SNTB1: variants seen among roughly 807,000 people sequenced by gnomAD.
SNTB1 encodes the protein syntrophin beta 1.
In SNTB1, 36 loss-of-function variants were observed where a neutral mutation model predicts 48.9. The observed-to-expected ratio is 0.74, with a 90% CI of 0.56 to 0.97. The LOEUF (loss-of-function observed/expected upper bound fraction) is 0.97, where lower values mean the gene tolerates loss of function less well. Ranked by LOEUF, SNTB1 falls within the 50% of genes least tolerant of loss-of-function variation. The pLI is 0.00. For missense variants in SNTB1, 786 were observed against 703.4 expected, an observed-to-expected ratio of 1.12 and a Z score of -1.33; for synonymous variants, 299 against 294.6, an observed-to-expected ratio of 1.01 and a Z score of -0.15.
chr8:120,589,798 C>T (rs1364403045), intron 3 of SNTB1, among the ~76,000 whole-genome samples: 1 of 152,164 alleles, frequency 6.6e-6, no homozygotes, highest in Admixed American at 6.5e-5. Flanking sequence ...TACCCTTATG[C>T]CCCCTGAGGC....
rs1197361343 is a variant in SNTB1, at chr8:120,649,355, T to G, written c.789-16704A>C. On this transcript the variant is annotated intron_variant, in intron 2 of 6. Transcript: ENST00000517992. ...TACAGATGGGTTTTTGGTGTGGATG[T>G]CCTTTCTGTTTGTTAGTTTTCCTTC... Among the ~76,000 whole-genome samples, 58 of 142,948 alleles carry G rather than the reference T, an allele frequency of 4.1e-4. 1 individual carries two copies. Among genetic ancestry groups the G allele is most frequent in the African/African-American group, 1.4e-3 (54 of 37,856 alleles). 93.8% of individuals were successfully genotyped at this position (142,948 alleles called of 152,430 possible). A position where few individuals can be genotyped will look rare whatever the true frequency, so the allele number is the denominator to read the frequency against.
chr8:120,582,667 C>T (rs1025352710), intron 3 of SNTB1, among the ~76,000 whole-genome samples: 1 of 152,054 alleles, frequency 6.6e-6, no homozygotes, highest in African/African-American at 2.4e-5. Flanking sequence ...GAACAGAAAA[C>T]CAAACACTGC....
At chr8:120,704,466 G>C (rs1450527255) in intron 1 of SNTB1, among the ~76,000 whole-genome samples, 1 of 145,476 alleles carries the variant, frequency 6.9e-6, no homozygotes. Context: ...AAAAAAAAAA[G>C]AGAAAAAACA....
At chr8:120,592,302 C>T (rs1002996345) in intron 3 of SNTB1, among the ~76,000 whole-genome samples, 1 of 152,080 alleles carries the variant, frequency 6.6e-6, no homozygotes, top group African/African-American at 2.4e-5. Flanking sequence ...CTGCCTCAGC[C>T]TCCTTTAGCT....
intron 2 of SNTB1, among the ~76,000 whole-genome samples, chr8:120,640,098 C>T (rs570551841): frequency 0.025 from 3,518 of 142,868 alleles, 128 homozygotes; most frequent in African/African-American, 0.085. Flanking sequence ...CTTCACATCC[C>T]TTGTAAGTTG....
At chr8:120,672,246 T>C (rs1023297700) in intron 2 of SNTB1, among the ~76,000 whole-genome samples, 5 of 152,216 alleles carry the variant, frequency 3.3e-5, no homozygotes, top group African/African-American at 9.6e-5. Flanking sequence ...ATGATGGGCT[T>C]ATCAGGATGT....
intron 4 of SNTB1, among the ~76,000 whole-genome samples, chr8:120,558,899 T>C (rs1815609883): frequency 6.6e-6 from 1 of 152,210 alleles, no homozygotes; most frequent in Admixed American, 6.5e-5. Context: ...TATTTGATTA[T>C]TCCCTGCTGT....
At chr8:120,703,372 G>A (rs866640024) in intron 1 of SNTB1, among the ~76,000 whole-genome samples, 5 of 152,146 alleles carry the variant, frequency 3.3e-5, no homozygotes, top group South Asian at 4.1e-4. Flanking sequence ...TGATCCATCC[G>A]CCTTGGCCTC....
chr8:120,617,588 T>C (rs1587035522), intron 3 of SNTB1, among the ~76,000 whole-genome samples: 1 of 152,298 alleles, frequency 6.6e-6, no homozygotes, highest in Non-Finnish European at 1.5e-5. Context: ...ACTCAAAAAA[T>C]GCTGTTGAAT....
At chr8:120,807,006 C>T (rs1222239619) in intron 1 of SNTB1, among the ~76,000 whole-genome samples, 1 of 152,144 alleles carries the variant, frequency 6.6e-6, no homozygotes, top group Non-Finnish European at 1.5e-5. Flanking sequence ...GGGAGCACTG[C>T]TGAAGGGGAA....
intron 4 of SNTB1, among the ~76,000 whole-genome samples, chr8:120,554,671 T>C (rs891892771): frequency 3.3e-5 from 5 of 152,246 alleles, no homozygotes; most frequent in Admixed American, 2.0e-4. Flanking sequence ...CATTGTTTAA[T>C]ATTAGAAGTG....
At chr8:120,710,180 C>T (rs1464471567) in intron 1 of SNTB1, among the ~76,000 whole-genome samples, 1 of 152,170 alleles carries the variant, frequency 6.6e-6, no homozygotes, top group Admixed American at 6.5e-5. Context: ...TGACTTAAAC[C>T]CTTCCTCCTA....
intron 1 of SNTB1, among the ~76,000 whole-genome samples, chr8:120,739,274 A>G (rs1396189438): frequency 6.6e-6 from 1 of 152,200 alleles, no homozygotes; most frequent in East Asian, 1.9e-4. Flanking sequence ...GAACAGGTGC[A>G]AAATCTGCTT....
At chr8:120,773,264 T>C (rs2130106399) in intron 1 of SNTB1, among the ~76,000 whole-genome samples, 1 of 152,300 alleles carries the variant, frequency 6.6e-6, no homozygotes, top group East Asian at 1.9e-4. Flanking sequence ...ATGTCTGTAA[T>C]CTCAGCACTT....
chr8:120,748,931 G>A (rs1819167989), intron 1 of SNTB1, among the ~76,000 whole-genome samples: 1 of 152,128 alleles, frequency 6.6e-6, no homozygotes, highest in African/African-American at 2.4e-5. Context: ...CAAATTATAG[G>A]AAGAATACTA....
intron 1 of SNTB1, among the ~76,000 whole-genome samples, chr8:120,733,084 T>C (rs1047521142): frequency 1.3e-5 from 2 of 152,194 alleles, no homozygotes; most frequent in African/African-American, 4.8e-5. Flanking sequence ...CTAATTTCAT[T>C]CAACAGGCCC....
chr8:120,803,349 A>G (rs1177486945), intron 1 of SNTB1, among the ~76,000 whole-genome samples: 2 of 152,012 alleles, frequency 1.3e-5, no homozygotes, highest in Non-Finnish European at 2.9e-5. Flanking sequence ...GGTATTATAT[A>G]TTTTTGTCTT....
intron 4 of SNTB1, among the ~76,000 whole-genome samples, chr8:120,553,854 C>G (rs931071786): frequency 2.6e-5 from 4 of 152,018 alleles, no homozygotes; most frequent in African/African-American, 4.8e-5. Context: ...AAAACTTAGC[C>G]GGTTGTGGTG....
intron 1 of SNTB1, among the ~76,000 whole-genome samples, chr8:120,786,089 G>A (rs1376228704): frequency 6.6e-6 from 1 of 152,196 alleles, no homozygotes; most frequent in Non-Finnish European, 1.5e-5. Flanking sequence ...AGTACCTGCT[G>A]CTGGGAGACT....
Sources: allele counts gnomAD v4.1 joint callset (sites outside exome capture counted in the v4.1 genomes callset), GRCh38; gene constraint gnomAD v4.1.1; transcripts MANE v1.5; gene names NCBI Gene and HGNC (gene_info 2026-07-23, HGNC 2026-07-21).